The following CSMD2 variants were observed in gnomAD, a reference collection of about 807,000 sequenced individuals.
The protein encoded by CSMD2 is CUB and sushi domain-containing protein 2.
Under a neutral mutation model 398.5 loss-of-function variants are expected in CSMD2, and 130 were observed. The observed-to-expected ratio is 0.33, with a 90% CI of 0.28 to 0.38. The LOEUF (loss-of-function observed/expected upper bound fraction) is 0.38. CSMD2 is among the 10% of genes least tolerant of loss of function. CSMD2 has a pLI of 1.00. For missense variants in CSMD2, 3,829 were observed against 4,764.9 expected (o/e 0.80, Z 5.78); for synonymous variants, 1,828 against 1,908.5 (o/e 0.96, Z 1.10).
At chr1:34,160,953 T>C (rs962076186) in intron 1 of CSMD2, among the ~76,000 whole-genome samples, 27 of 152,180 alleles carry the variant, frequency 1.8e-4, no homozygotes, top group African/African-American at 6.0e-4. Context: ...TATCTACTTA[T>C]AGTTTAATAT....
intron 51 of CSMD2, 132 bp from the exon 52 acceptor site, chr1:33,569,679 G>T: frequency 1.1e-6 from 1 of 893,000 alleles, no homozygotes; most frequent in Non-Finnish European, 1.7e-6. Context: ...CCAGAATATG[G>T]GTTGTGTTGC....
chr1:33,672,721 C>T (rs1215489170), intron 25 of CSMD2, among the ~76,000 whole-genome samples: 2 of 152,176 alleles, frequency 1.3e-5, no homozygotes, highest in African/African-American at 2.4e-5. Flanking sequence ...CCAGTAGGGG[C>T]GGACTGACAC....
chr1:33,758,864 A>C (rs1186825285), intron 13 of CSMD2, among the ~76,000 whole-genome samples: 2 of 152,222 alleles, frequency 1.3e-5, no homozygotes, highest in Non-Finnish European at 2.9e-5. Context: ...TTCTGGCATG[A>C]GAACAACATG....
chr1:33,688,646 G>A (rs1469164348), intron 25 of CSMD2, among the ~76,000 whole-genome samples: 2 of 152,066 alleles, frequency 1.3e-5, no homozygotes, highest in Non-Finnish European at 2.9e-5. Context: ...CTAACATGGT[G>A]AAACCCTGTC....
chr1:33,887,823 C>T (rs1019572444), intron 5 of CSMD2, among the ~76,000 whole-genome samples: 10 of 151,942 alleles, frequency 6.6e-5, no homozygotes, highest in African/African-American at 2.4e-4. Flanking sequence ...AATAAAATTA[C>T]ATTACTTGCA....
At chr1:34,153,725 T>C (rs548478315) in intron 1 of CSMD2, among the ~76,000 whole-genome samples, 1 of 152,306 alleles carries the variant, frequency 6.6e-6, no homozygotes, top group African/African-American at 2.4e-5. Context: ...TCCTGTAGGA[T>C]GTGGGGGCCC....
chr1:34,161,820 C>A (rs1641354565), intron 1 of CSMD2, among the ~76,000 whole-genome samples: 1 of 151,884 alleles, frequency 6.6e-6, no homozygotes, highest in Non-Finnish European at 1.5e-5. Flanking sequence ...AAGAAGGCTT[C>A]TTGGCTTGTT....
chr1:34,119,787 T>C (rs1210279140), intron 1 of CSMD2, among the ~76,000 whole-genome samples: 2 of 152,222 alleles, frequency 1.3e-5, no homozygotes, highest in Non-Finnish European at 2.9e-5. Context: ...GGTGAGGATG[T>C]GCAGAAACTG....
rs538450433 is a variant in CSMD2, at chr1:33,646,803, T to G, written c.4619A>C (p.His1540Pro). The stretch of plus-strand genomic sequence containing the variant: ...GAGAGAGTCCCGTCCGTCGTAGATA[T>G]GGAGGAAGTCATAGCCAGGCTCCAG... ...FNLEPGYDFLHIYDGRDSLSP... is the reference protein window; with the variant it reads ...FNLEPGYDFLPIYDGRDSLSP... Residue 1540 changes from histidine to proline, a missense_variant, in exon 29 of 71, where the codon CAT becomes CCT. This residue lies in a region of CSMD2 where 2,001 missense variants were observed against 2,567.1 expected (regional missense o/e 0.78). Transcript: ENST00000373381. 6.2e-7 allele frequency: 1 copy of G among 1,613,506 alleles called. No individual in the cohort carries two copies. The highest frequency in any genetic ancestry group is 8.5e-7 in the Non-Finnish European group (1 of 1,179,698).
chr1:33,708,961 G>A (rs1163392138), intron 22 of CSMD2, 128 bp downstream of exon 22: 3 of 757,858 alleles, frequency 4.0e-6, no homozygotes, highest in African/African-American at 1.7e-5. Flanking sequence ...CCAGATGAGT[G>A]AGGACAGTAT....
chr1:33,581,353 C>CA, intron 47 of CSMD2, among the ~76,000 whole-genome samples: 1 of 49,814 alleles, frequency 2.0e-5, no homozygotes, highest in African/African-American at 1.0e-4. Context: ...CCCATCTTTA[C>CA]TAAAAAAAAA....
In CSMD2 at chr1:33,997,159, G is replaced by A. The variant is rs375541270; in HGVS notation, c.517+35435C>T. 9.5e-4 allele frequency among the ~76,000 whole-genome samples: 145 copies of A among 152,286 alleles called. 5 individuals carry two copies. In the South Asian group the frequency reaches 0.027, roughly 29 times the overall value. On this transcript the variant is annotated intron_variant, in intron 3 of 70. Coordinates refer to ENST00000373381, the MANE Select transcript of CSMD2 (RefSeq NM_001281956.2). Reference sequence around the variant, plus strand: ...AAGGGGCTATGAAGAAACGAGAGTCGGTTTCCCTGCTCATCGATGCCTTGG... The same window carrying A: ...AAGGGGCTATGAAGAAACGAGAGTCAGTTTCCCTGCTCATCGATGCCTTGG...
chr1:34,096,272 G>A (rs1466361356), intron 1 of CSMD2, among the ~76,000 whole-genome samples: 2 of 151,610 alleles, frequency 1.3e-5, no homozygotes, highest in South Asian at 2.1e-4. Context: ...AAAATAATAA[G>A]AGCTATCTAT....
chr1:33,678,935 G>T (rs1406839239), intron 25 of CSMD2, among the ~76,000 whole-genome samples: 2 of 152,174 alleles, frequency 1.3e-5, no homozygotes, highest in East Asian at 3.9e-4. Flanking sequence ...ATGTTCCAGG[G>T]TAGTGACTGC....
intron 1 of CSMD2, among the ~76,000 whole-genome samples, chr1:34,125,874 C>A (rs1177522539): frequency 6.6e-6 from 1 of 152,168 alleles, no homozygotes; most frequent in East Asian, 1.9e-4. Flanking sequence ...TGCTCCAGTT[C>A]AGGCCCCGGG....
At chr1:33,806,029 G>T (rs1656189532) in intron 10 of CSMD2, among the ~76,000 whole-genome samples, 1 of 152,032 alleles carries the variant, frequency 6.6e-6, no homozygotes, top group South Asian at 2.1e-4. Context: ...TAAAAATTCG[G>T]TCAATATAGC....
At chr1:33,788,326 GGT>G (rs1486816916) in intron 12 of CSMD2, among the ~76,000 whole-genome samples, 1 of 151,906 alleles carries the variant, frequency 6.6e-6, no homozygotes, top group Non-Finnish European at 1.5e-5. Context: ...TGGCCAACAT[GGT>G]GAGACCCCGT....
intron 10 of CSMD2, among the ~76,000 whole-genome samples, chr1:33,807,848 C>T (rs1242497837): frequency 1.3e-5 from 2 of 151,970 alleles, no homozygotes; most frequent in Non-Finnish European, 2.9e-5. Flanking sequence ...GACAAATGGT[C>T]AGAGGGGATT....
chr1:33,974,727 G>A (rs563526650), intron 3 of CSMD2, among the ~76,000 whole-genome samples: 176 of 152,294 alleles, frequency 1.2e-3, no homozygotes, highest in Middle Eastern at 3.4e-3. Context: ...GCAAGTGTTT[G>A]AGCATGAGCT....
Sources: allele counts gnomAD v4.1 joint callset (sites outside exome capture counted in the v4.1 genomes callset), GRCh38; gene constraint gnomAD v4.1.1; regional missense constraint gnomAD v4.1.1; transcripts MANE v1.5; gene names NCBI Gene and HGNC (gene_info 2026-07-23, HGNC 2026-07-21).